MICAL2: variants seen among roughly 807,000 people sequenced by gnomAD.
MICAL2 encodes the protein microtubule associated monooxygenase, calponin and LIM domain containing 2.
Under a neutral mutation model 127.3 loss-of-function variants are expected in MICAL2, and 77 were observed. That is an observed-to-expected ratio of 0.60 (90% CI 0.50 to 0.73). The LOEUF is 0.73. MICAL2 is among the 30% of genes least tolerant of loss of function. The probability of loss-of-function intolerance (pLI) is 0.00; values close to 1 mark genes in which losing one functional copy is unlikely to be tolerated. For missense variants in MICAL2, 1,351 were observed against 1,434.4 expected (o/e 0.94, Z 0.94); for synonymous variants, 570 against 551.1 (o/e 1.03, Z -0.48).
intron 2 of MICAL2, among the ~76,000 whole-genome samples, chr11:12,160,973 G>T (rs953464118): frequency 1.3e-5 from 2 of 152,174 alleles, no homozygotes; most frequent in South Asian, 2.1e-4. Context: ...CCCCTCTGGG[G>T]AGCACAGAGC....
intron 2 of MICAL2, among the ~76,000 whole-genome samples, chr11:12,282,176 A>AT (rs1287609701): frequency 3.9e-5 from 6 of 152,182 alleles, no homozygotes; most frequent in Non-Finnish European, 8.8e-5. Flanking sequence ...GAAATGTTGA[A>AT]TTTTACCCTC....
At chr11:12,324,377 A>G (rs1373441139) in intron 31 of MICAL2, among the ~76,000 whole-genome samples, 1 of 152,238 alleles carries the variant, frequency 6.6e-6, no homozygotes, top group Non-Finnish European at 1.5e-5. Flanking sequence ...TGACTGCCAC[A>G]TAGCAGTGAA....
intron 3 of MICAL2, among the ~76,000 whole-genome samples, chr11:12,165,452 G>C (rs986686659): frequency 5.9e-5 from 9 of 152,226 alleles, no homozygotes; most frequent in African/African-American, 2.2e-4. Context: ...GAAATGCTGG[G>C]CATTTGCATA....
chr11:12,204,311 G>A lies in MICAL2; in HGVS notation c.326G>A (p.Gly109Glu), dbSNP rs1854396680. 1 of 1,614,160 alleles carries A rather than the reference G, an allele frequency of 6.2e-7. No homozygotes were observed. Among genetic ancestry groups the A allele is most frequent in the Non-Finnish European group, 8.5e-7 (1 of 1,180,024 alleles). ...ACTGCCATTGAACTTGCCTACCTGG[G>A]AGCCAAAGTGGTCGTGGTGGAGAAG... ...LRTAIELAYL[G>E]AKVVVVEKRD... The change falls in exon 4 of 28, where the codon GGA becomes GAA. Residue 109 changes from glycine (G) to glutamate (E), a missense_variant. Physicochemically the swap from Gly to Glu is moderately conservative, Grantham distance 98. Around this residue, in one of 2 missense-constraint regions of MICAL2, gnomAD observed 599 missense variants for 714.9 expected, o/e 0.84. Coordinates refer to ENST00000683283, the MANE Select transcript of MICAL2 (RefSeq NM_001282663.2).
intron 4 of MICAL2, among the ~76,000 whole-genome samples, chr11:12,205,377 T>C (rs930358157): frequency 6.6e-6 from 1 of 152,198 alleles, no homozygotes; most frequent in Admixed American, 6.5e-5. Context: ...ATGGTTTTTT[T>C]CAACCAAACA....
At position 12,242,333 on chromosome 11, in the gene MICAL2, G is replaced by A. The variant is rs960080813; in HGVS notation, c.2457G>A (p.Gly819=). The A allele has an allele frequency of 6.2e-7, 1 of 1,614,026 alleles. No homozygotes were observed. The highest frequency in any genetic ancestry group is 8.5e-7 in the Non-Finnish European group (1 of 1,180,008). Residue 819 remains glycine (G), a synonymous_variant, in exon 19 of 28, where the codon GGG becomes GGA. Coordinates refer to ENST00000683283, the MANE Select transcript of MICAL2 (RefSeq NM_001282663.2). The part of the protein sequence containing the change: ...ARAKSDLQLG[G]TENFATLPST... ...CCAAGTCTGACCTACAGCTGGGTGGGACAGAAAATTTCGCTACCCTGCCTT... is the reference window on the plus strand; with the variant it reads ...CCAAGTCTGACCTACAGCTGGGTGGAACAGAAAATTTCGCTACCCTGCCTT...
chr11:12,294,562 G>C, downstream of MICAL2: 1 of 1,614,186 alleles, frequency 6.2e-7, no homozygotes, highest in Non-Finnish European at 8.5e-7. Context: ...TCGAGAAAGT[G>C]AGTTTGCAAG....
chr11:12,326,036 A>G (rs866160992), intron 31 of MICAL2, among the ~76,000 whole-genome samples: 1 of 152,160 alleles, frequency 6.6e-6, no homozygotes, highest in Non-Finnish European at 1.5e-5. Flanking sequence ...GGACTTAAGC[A>G]CTCATAGCTG....
intron 29 of MICAL2, among the ~76,000 whole-genome samples, chr11:12,314,564 C>T (rs540103799): frequency 1.4e-4 from 21 of 151,854 alleles, no homozygotes; most frequent in Admixed American, 2.0e-4. Context: ...CTGAAAGTTC[C>T]GTCTCCTGGG....
intron 1 of MICAL2, among the ~76,000 whole-genome samples, chr11:12,136,384 T>C (rs1046364145): frequency 1.3e-5 from 2 of 152,192 alleles, no homozygotes; most frequent in African/African-American, 4.8e-5. Flanking sequence ...TTTCCCCCTC[T>C]GTAATGATAC....
downstream of MICAL2, among the ~76,000 whole-genome samples, chr11:12,265,503 T>C (rs1454505455): frequency 6.6e-6 from 1 of 152,210 alleles, no homozygotes; most frequent in African/African-American, 2.4e-5. Context: ...AATCTGATTA[T>C]ATACATTTTT....
Position 12,200,346 on chromosome 11 carries a change from G to C in MICAL2, c.265-3904G>C, listed in dbSNP as rs530358251. Among the ~76,000 whole-genome samples, 14 of 152,334 alleles carry C rather than the reference G, an allele frequency of 9.2e-5. 3 individuals carry two copies. The South Asian group carries it at 2.9e-3, about 32-fold the overall frequency. ...GGGTCTGAGGAAAGAGCTCCTTCGG[G>C]TCGAGTTATCACAACCCTTTGCATC... On this transcript the variant is annotated intron_variant, in intron 3 of 27. Transcript: ENST00000683283.
rs150462756 is a variant in MICAL2, at chr11:12,300,273, G to A, written c.5212+5416G>A. ...CACATCATTGCCCTCCAGCCTGGGC[G>A]ACAAGAGCAAAACTCCATCTCAAAA... On this transcript the variant is annotated intron_variant, in intron 29 of 34. Coordinates refer to the MICAL2 transcript ENST00000646065. 5.3e-3 allele frequency among the ~76,000 whole-genome samples: 809 copies of A among 152,114 alleles called. 11 individuals carry two copies. The highest frequency in any genetic ancestry group is 0.019 in the African/African-American group (778 of 41,450).
chr11:12,140,717 C>T (rs925700082), intron 2 of MICAL2, among the ~76,000 whole-genome samples: 27 of 152,316 alleles, frequency 1.8e-4, no homozygotes, highest in Middle Eastern at 3.4e-3. Flanking sequence ...TGAGATGCTA[C>T]GTTAGACATT....
chr11:12,119,660 G>A (rs1850343111), intron 1 of MICAL2, among the ~76,000 whole-genome samples: 1 of 152,190 alleles, frequency 6.6e-6, no homozygotes, highest in South Asian at 2.1e-4. Context: ...CCTGCGGATT[G>A]GCTGGGAGAT....
intron 1 of MICAL2, among the ~76,000 whole-genome samples, chr11:12,118,570 C>T (rs1377583268): frequency 6.6e-6 from 1 of 152,198 alleles, no homozygotes. Context: ...CCAGCTCTCT[C>T]CTTTAGGAGT....
chr11:12,225,995 C>A (rs1857389062), intron 13 of MICAL2, among the ~76,000 whole-genome samples, 176 bp from the exon 14 acceptor site: 1 of 152,128 alleles, frequency 6.6e-6, no homozygotes, highest in African/African-American at 2.4e-5. Flanking sequence ...CCTTCCTGAC[C>A]AGTGGAGTGG....
chr11:12,304,680 AC>A (rs1864088575), intron 29 of MICAL2, among the ~76,000 whole-genome samples: 1 of 151,650 alleles, frequency 6.6e-6, no homozygotes. Flanking sequence ...ACACACACAC[AC>A]ACACACACAC....
rs115284363 is a variant in MICAL2 at position 12,117,924 on chromosome 11, C to G, written c.-149+7198C>G. ...ACCCTCAGGGAGAGGATTCACTCAG[C>G]CTTTTTCTTCAGGGAATGTCCTGTG... On this transcript the variant is annotated intron_variant, in intron 1 of 27. Transcript: ENST00000683283. 2.3e-3 allele frequency among the ~76,000 whole-genome samples: 347 copies of G among 152,366 alleles called. 5 individuals carry two copies. Among genetic ancestry groups the G allele is most frequent in the African/African-American group, 7.8e-3 (326 of 41,586 alleles).
Sources: allele counts gnomAD v4.1 joint callset (sites outside exome capture counted in the v4.1 genomes callset), GRCh38; gene constraint gnomAD v4.1.1; regional missense constraint gnomAD v4.1.1; transcripts MANE v1.5; gene names NCBI Gene and HGNC (gene_info 2026-07-23, HGNC 2026-07-21).